B4GALT2: variants seen among roughly 807,000 people sequenced by gnomAD.
The protein encoded by B4GALT2 is beta-1,4-galactosyltransferase 2.
B4GALT2 carries 18 observed loss-of-function variants against 33.2 expected under a neutral mutation model. The ratio of observed to expected loss-of-function variants is 0.54; its 90% CI spans 0.38 to 0.80. The LOEUF (loss-of-function observed/expected upper bound fraction) is 0.80. Ranked by LOEUF, B4GALT2 falls within the 30% of genes least tolerant of loss-of-function variation. The pLI is 0.00. For synonymous variants in B4GALT2, 214 were observed against 217.6 expected (o/e 0.98, Z 0.15); for missense variants, 404 against 526.2 (o/e 0.77, Z 2.27).
chr1:43,983,970 C>T (rs77098452), intron 3 of B4GALT2, among the ~76,000 whole-genome samples: 2,019 of 152,282 alleles, frequency 0.013, 51 homozygotes, highest in African/African-American at 0.046. Flanking sequence ...GGCCACTCAC[C>T]GATCCCCTCT....
In B4GALT2 at chr1:43,981,417, T is replaced by G; in HGVS notation, c.257T>G (p.Leu86Arg). 1 of 1,595,456 alleles carries G rather than the reference T, an allele frequency of 6.3e-7. No individual in the cohort carries two copies. Among genetic ancestry groups the G allele is most frequent in the Middle Eastern group, 1.7e-4 (1 of 5,930 alleles). Residue 86 changes from leucine (L) to arginine (R), a missense_variant, in exon 2 of 7, where the codon CTG becomes CGG. Transcript: ENST00000372324. The surrounding 1 kb of genome is among the most constrained non-coding windows in gnomAD (Gnocchi z 8.1). ...SSGLPEVPSA[L>R]PGPTAPTLPP... is the part of the protein sequence containing the mutation. ...GGGCTCCCTGAGGTCCCCAGTGCCC[T>G]GCCCGGTCCCACGGCTCCCACGCTG... is the stretch of plus-strand genomic sequence containing the variant.
rs1218174384 is a variant in B4GALT2, at chr1:43,991,151, G to C, written c.*703G>C. 1 of 167,738 alleles carries C rather than the reference G, an allele frequency of 6.0e-6. No individual in the cohort carries two copies. The highest frequency in any genetic ancestry group is 2.4e-5 in the African/African-American group (1 of 41,828). 10.4% of individuals were successfully genotyped at this position (167,738 alleles called of 1,614,324 possible). ...CACAGAAACTTGTGTGGGTGCTTTA[G>C]TAAAAAACGTGAATGGAGCAGCTCC... On this transcript the variant is annotated 3_prime_UTR_variant, in exon 7 of 7. Transcript: ENST00000372324.
Position 43,981,507 on chromosome 1 carries a change from A to T in B4GALT2, c.313+34A>T, listed in dbSNP as rs1337440067. On this transcript the variant is annotated intron_variant, in intron 2 of 6. Transcript: ENST00000372324. This position sits in a 1 kb window ranked among gnomAD's most constrained non-coding sequence, Gnocchi z 8.1. ...GGAGGGTAGGGCCTGCCTGTGGGGA[A>T]ACAGGGTTTTATTGGTTTGACTAGA... The T allele has an allele frequency of 6.5e-7, 1 of 1,540,754 alleles. No homozygotes were observed. Among genetic ancestry groups the T allele is most frequent in the Non-Finnish European group, 8.7e-7 (1 of 1,146,730 alleles).
rs954469612 is a variant in B4GALT2 at position 43,982,628 on chromosome 1, G to A, written c.549+704G>A. The stretch of plus-strand genomic sequence containing the variant: ...CAGGGCCAGCAAGATAACTGGCCTC[G>A]TGTTCACGAACTATTGGCTGAGGTG... On this transcript the variant is annotated intron_variant, in intron 3 of 6. Transcript: ENST00000372324. The surrounding 1 kb of genome is among the most constrained non-coding windows in gnomAD (Gnocchi z 4.3). 3.3e-5 allele frequency among the ~76,000 whole-genome samples: 5 copies of A among 152,244 alleles called. No individual in the cohort carries two copies. The highest frequency in any genetic ancestry group is 2.1e-4 in the South Asian group (1 of 4,832).
Position 43,982,929 on chromosome 1 carries a change from G to C in B4GALT2, c.549+1005G>C, listed in dbSNP as rs2085616139. Among the ~76,000 whole-genome samples, 1 of 152,188 alleles carries C rather than the reference G, an allele frequency of 6.6e-6. No individual in the cohort carries two copies. The highest frequency in any genetic ancestry group is 1.5e-5 in the Non-Finnish European group (1 of 68,036). On this transcript the variant is annotated intron_variant, in intron 3 of 6. Coordinates refer to ENST00000372324, the MANE Select transcript of B4GALT2 (RefSeq NM_003780.5). This position sits in a 1 kb window ranked among gnomAD's most constrained non-coding sequence, Gnocchi z 4.3. ...GGAAAGAGGCGGTGACCCTGCGGATGTGTGGGGCGGGAGTCGCGGGGAAGA... is the reference window on the plus strand; with the variant it reads ...GGAAAGAGGCGGTGACCCTGCGGATCTGTGGGGCGGGAGTCGCGGGGAAGA...
chr1:43,980,929 G>A (rs1475619338), intron 1 of B4GALT2, among the ~76,000 whole-genome samples, 180 bp from the exon 2 acceptor site: 1 of 152,158 alleles, frequency 6.6e-6, no homozygotes, highest in Non-Finnish European at 1.5e-5. Flanking sequence ...CTGAGTTGCC[G>A]GGAACTGTGC....
At chr1:43,980,431 A>C (rs1294599792) in intron 1 of B4GALT2, 1 of 562,240 alleles carries the variant, frequency 1.8e-6, no homozygotes, top group East Asian at 1.2e-4. Flanking sequence ...GTTTTGCTCC[A>C]GTGGGAAGGG....
Position 43,984,670 on chromosome 1 carries a change from A to G in B4GALT2, c.550-195A>G, listed in dbSNP as rs1185566467. On this transcript the variant is annotated intron_variant, in intron 3 of 6. Transcript: ENST00000372324. This position sits in a 1 kb window ranked among gnomAD's most constrained non-coding sequence, Gnocchi z 5.6. ...CGGGACCTGAGGGCAGTGGCCAGAG[A>G]GGAGGCTGGAGCCACATATGAAAGG... 6.6e-6 allele frequency among the ~76,000 whole-genome samples: 1 copy of G among 152,180 alleles called. No homozygotes were observed. The highest frequency in any genetic ancestry group is 1.5e-5 in the Non-Finnish European group (1 of 68,026).
chr1:43,981,540 C>T lies in B4GALT2; in HGVS notation c.313+67C>T. The T allele has an allele frequency of 6.6e-7, 1 of 1,520,852 alleles. No homozygotes were observed. The allele number at this position is 1,520,852 out of a possible 1,614,324, so 94.2% of individuals were successfully genotyped here. A position where few individuals can be genotyped will look rare whatever the true frequency, so the allele number is the denominator to read the frequency against. Reference sequence around the variant, plus strand: ...TTTATTGGTTTGACTAGAGAAATGGCATCTGGACCCAGGGGTGTGCCAGGG... The same window carrying T: ...TTTATTGGTTTGACTAGAGAAATGGTATCTGGACCCAGGGGTGTGCCAGGG... On this transcript the variant is annotated intron_variant, in intron 2 of 6. Coordinates refer to ENST00000372324, the MANE Select transcript of B4GALT2 (RefSeq NM_003780.5). The surrounding 1 kb of genome is among the most constrained non-coding windows in gnomAD (Gnocchi z 8.1).
chr1:43,979,844 G>A lies in B4GALT2; in HGVS notation c.-53+333G>A. ...CTGCCCCCAGGCTCCACACCCACCCGGTCTGTGCGGCCTGCCCGTCCGCGG... is the reference window on the plus strand; with the variant it reads ...CTGCCCCCAGGCTCCACACCCACCCAGTCTGTGCGGCCTGCCCGTCCGCGG... On this transcript the variant is annotated intron_variant, in intron 1 of 6. Coordinates refer to ENST00000372324, the MANE Select transcript of B4GALT2 (RefSeq NM_003780.5). The surrounding 1 kb of genome is among the most constrained non-coding windows in gnomAD (Gnocchi z 4.8). The A allele has an allele frequency of 1.6e-6, 1 of 622,812 alleles. No individual in the cohort carries two copies. The highest frequency in any genetic ancestry group is 3.4e-5 in the East Asian group (1 of 29,128). The allele number at this position is 622,812 out of a possible 1,614,324, so 38.6% of individuals were successfully genotyped here.
In B4GALT2 at chr1:43,979,705, T is replaced by C; in HGVS notation, c.-53+194T>C. On this transcript the variant is annotated intron_variant, in intron 1 of 6. Transcript: ENST00000372324. The surrounding 1 kb of genome is among the most constrained non-coding windows in gnomAD (Gnocchi z 4.8). Reference sequence around the variant, plus strand: ...CCCCTCCTGGGCTTCTCCGCCCGCGTCCAGCCGGCCTCCCTCATTGTCCTC... The same window carrying C: ...CCCCTCCTGGGCTTCTCCGCCCGCGCCCAGCCGGCCTCCCTCATTGTCCTC... The C allele has an allele frequency of 3.7e-6, 1 of 270,786 alleles. No individual in the cohort carries two copies. The highest frequency in any genetic ancestry group is 7.3e-5 in the East Asian group (1 of 13,658). The allele number at this position is 270,786 out of a possible 1,614,324, so 16.8% of individuals were successfully genotyped here. A position where few individuals can be genotyped will look rare whatever the true frequency, so the allele number is the denominator to read the frequency against.
intron 1 of B4GALT2, 137 bp from the exon 2 acceptor site, chr1:43,980,972 C>A: frequency 8.1e-7 from 1 of 1,232,648 alleles, no homozygotes; most frequent in Non-Finnish European, 1.1e-6. Flanking sequence ...ATTCTTGAGT[C>A]TGTGAGTGTG....
chr1:43,982,422 G>A lies in B4GALT2; in HGVS notation c.549+498G>A, dbSNP rs903498004. On this transcript the variant is annotated intron_variant, in intron 3 of 6. Coordinates refer to ENST00000372324, the MANE Select transcript of B4GALT2 (RefSeq NM_003780.5). This position sits in a 1 kb window ranked among gnomAD's most constrained non-coding sequence, Gnocchi z 4.3. ...CCGACCACAGAGACCTCCTAGACTTGGACATGGGTCCCTCCCGTATGATGG... is the reference window on the plus strand; with the variant it reads ...CCGACCACAGAGACCTCCTAGACTTAGACATGGGTCCCTCCCGTATGATGG... Among the ~76,000 whole-genome samples, 2 of 152,102 alleles carry A rather than the reference G, an allele frequency of 1.3e-5. No individual in the cohort carries two copies. The highest frequency in any genetic ancestry group is 2.4e-5 in the African/African-American group (1 of 41,418).
Position 43,985,562 on chromosome 1 carries a change from C to A in B4GALT2, c.909C>A (p.Ile303=), listed in dbSNP as rs1061781. The change falls in exon 6 of 7, where the codon ATC becomes ATA. Residue 303 remains isoleucine (I), a synonymous_variant. Transcript: ENST00000372324. ...AGATCTCACGCCCAGACATCCGAAT[C>A]GGCCGCTACCGCATGATCAAGCACG... The part of the protein sequence containing the change: ...GMKISRPDIR[I]GRYRMIKHDR... 5.6e-6 allele frequency: 9 copies of A among 1,613,664 alleles called. No individual in the cohort carries two copies. The highest frequency in any genetic ancestry group is 7.6e-6 in the Non-Finnish European group (9 of 1,179,934).
At chr1:43,985,901 A>G in intron 6 of B4GALT2, 3 of 516,666 alleles carry the variant, frequency 5.8e-6, no homozygotes, top group African/African-American at 1.9e-5. Context: ...ATTTAATGTC[A>G]GGGCCTAAAT....
At chr1:43,983,608 A>G (rs528408982) in intron 3 of B4GALT2, among the ~76,000 whole-genome samples, 17 of 152,338 alleles carry the variant, frequency 1.1e-4, no homozygotes, top group African/African-American at 4.1e-4. Context: ...GAAATAACCA[A>G]TTAGAGACAA....
chr1:43,987,676 T>G (rs974941273), intron 6 of B4GALT2, among the ~76,000 whole-genome samples: 1 of 152,206 alleles, frequency 6.6e-6, no homozygotes, highest in African/African-American at 2.4e-5. Flanking sequence ...GTTTATGGCT[T>G]GGCCCCCAAC....
chr1:43,986,615 G>A (rs946787861), intron 6 of B4GALT2, among the ~76,000 whole-genome samples: 4 of 152,134 alleles, frequency 2.6e-5, no homozygotes, highest in African/African-American at 9.7e-5. Context: ...AGTGACAGTG[G>A]GGCGGGGGAA....
intron 6 of B4GALT2, among the ~76,000 whole-genome samples, chr1:43,987,714 C>A (rs1389051872): frequency 2.0e-5 from 3 of 152,294 alleles, no homozygotes; most frequent in Admixed American, 6.5e-5. Context: ...AGAGCCTTTA[C>A]ACATTTCATT....
Sources: gnomAD v4.1 joint callset for allele counts (sites outside exome capture counted in the v4.1 genomes callset) on GRCh38, gnomAD v4.1.1 for gene constraint, Gnocchi (gnomAD v3.1) non-coding constraint, MANE v1.5 for transcripts, NCBI Gene and HGNC (gene_info 2026-07-23, HGNC 2026-07-21) for gene names.